Variants in PRTFDC1 observed in about 807,000 individuals in gnomAD.
PRTFDC1 encodes the protein phosphoribosyltransferase domain-containing protein 1.
PRTFDC1 carries 38 observed loss-of-function variants against 34.6 expected under a neutral mutation model. That is an observed-to-expected ratio of 1.10 (90% CI 0.85 to 1.44). The LOEUF (loss-of-function observed/expected upper bound fraction) is 1.44, where lower values mean the gene tolerates loss of function less well. Among genes scored for constraint, PRTFDC1 ranks in the 40% most tolerant of loss-of-function variants. PRTFDC1 has a pLI of 0.00. For synonymous variants in PRTFDC1, 93 were observed against 98.1 expected (o/e 0.95, Z 0.31); for missense variants, 270 against 283.0 (o/e 0.95, Z 0.33).
intron 3 of PRTFDC1, among the ~76,000 whole-genome samples, chr10:24,927,596 T>G (rs1341876747): frequency 6.6e-6 from 1 of 151,206 alleles, no homozygotes; most frequent in East Asian, 1.9e-4. Context: ...TTTTTTTTTT[T>G]TTTTGAGACA....
chr10:24,852,872 G>A (rs1847513850), intron 7 of PRTFDC1, among the ~76,000 whole-genome samples: 1 of 152,142 alleles, frequency 6.6e-6, no homozygotes, highest in Non-Finnish European at 1.5e-5. Context: ...GAAAACGACT[G>A]GTTCATGCTC....
At chr10:24,871,833 G>T (rs542512375) in intron 4 of PRTFDC1, among the ~76,000 whole-genome samples, 165 bp downstream of exon 4, 1 of 152,250 alleles carries the variant, frequency 6.6e-6, no homozygotes, top group East Asian at 1.9e-4. Flanking sequence ...ATTCTAAAAA[G>T]AATGTTTTAG....
At chr10:24,896,811 T>C (rs187838759) in intron 3 of PRTFDC1, among the ~76,000 whole-genome samples, 104 of 152,336 alleles carry the variant, frequency 6.8e-4, no homozygotes, top group Non-Finnish European at 1.2e-3. Flanking sequence ...TGTGTACCTT[T>C]CGCCTGTAAT....
chr10:24,876,461 C>A (rs61854267), intron 3 of PRTFDC1, among the ~76,000 whole-genome samples: 5 of 151,686 alleles, frequency 3.3e-5, no homozygotes, highest in African/African-American at 1.2e-4. Flanking sequence ...TTTGGGAGGC[C>A]GAGGCAGGCG....
chr10:24,928,891 T>A (rs1364758994), intron 3 of PRTFDC1, among the ~76,000 whole-genome samples: 2 of 151,296 alleles, frequency 1.3e-5, no homozygotes, highest in Non-Finnish European at 2.9e-5. Flanking sequence ...TACAAAAAAA[T>A]TAGCCGGGCG....
chr10:24,926,641 G>A (rs948874136), intron 3 of PRTFDC1, among the ~76,000 whole-genome samples: 4 of 152,310 alleles, frequency 2.6e-5, no homozygotes, highest in African/African-American at 9.6e-5. Context: ...GAGCCACTGC[G>A]TCCGGCCATT....
chr10:24,858,367 T>C lies in PRTFDC1; in HGVS notation c.423+25A>G, dbSNP rs1847618010. On this transcript the variant is annotated intron_variant, in intron 5 of 8. Coordinates refer to ENST00000320152, the MANE Select transcript of PRTFDC1 (RefSeq NM_020200.7). ...CCATTAGATTCTTTCAACCTCCAAG[T>C]ATGGAAAAGGAAATGCCAGCTTACC... The C allele has an allele frequency of 1.9e-6, 3 of 1,608,504 alleles. No homozygotes were observed. In the East Asian group the frequency reaches 6.7e-5, roughly 36 times the overall value.
At chr10:24,862,622 C>T (rs1323338467) in intron 4 of PRTFDC1, among the ~76,000 whole-genome samples, 1 of 151,848 alleles carries the variant, frequency 6.6e-6, no homozygotes, top group African/African-American at 2.4e-5. Flanking sequence ...TGATCTGCCC[C>T]TCTTGGCCTC....
intron 4 of PRTFDC1, among the ~76,000 whole-genome samples, chr10:24,868,360 T>C (rs568295707): frequency 5.9e-5 from 9 of 152,322 alleles, no homozygotes; most frequent in Admixed American, 2.6e-4. Context: ...GAAAGACCTA[T>C]GGGGCTCTTC....
chr10:24,866,973 T>A (rs1847790834), intron 4 of PRTFDC1, among the ~76,000 whole-genome samples: 1 of 135,940 alleles, frequency 7.4e-6, no homozygotes, highest in East Asian at 2.2e-4. Context: ...AAGTAAAAAA[T>A]GTTTTATTTA....
At chr10:24,867,362 G>A (rs987862766) in intron 4 of PRTFDC1, among the ~76,000 whole-genome samples, 5 of 152,040 alleles carry the variant, frequency 3.3e-5, no homozygotes, top group East Asian at 3.9e-4. Flanking sequence ...CGCCTACCCC[G>A]CCTCCAAACT....
chr10:24,929,699 A>C (rs1848941644), intron 3 of PRTFDC1, among the ~76,000 whole-genome samples: 1 of 152,220 alleles, frequency 6.6e-6, no homozygotes, highest in African/African-American at 2.4e-5. Context: ...TTGCATATAA[A>C]TTAATGAGCT....
chr10:24,873,592 A>G (rs1055948376), intron 3 of PRTFDC1, among the ~76,000 whole-genome samples: 10 of 152,154 alleles, frequency 6.6e-5, no homozygotes, highest in African/African-American at 2.4e-4. Context: ...GGGGGAGTCC[A>G]TTCCACATGG....
At chr10:24,869,940 T>A (rs1847846264) in intron 4 of PRTFDC1, among the ~76,000 whole-genome samples, 1 of 152,222 alleles carries the variant, frequency 6.6e-6, no homozygotes, top group African/African-American at 2.4e-5. Context: ...CATCCACTTG[T>A]TCAGTCACCA....
At chr10:24,917,275 A>G (rs1848709057) in intron 3 of PRTFDC1, among the ~76,000 whole-genome samples, 1 of 152,206 alleles carries the variant, frequency 6.6e-6, no homozygotes, top group African/African-American at 2.4e-5. Context: ...GAGGCTGGGA[A>G]AGCAAGCCGC....
intron 4 of PRTFDC1, among the ~76,000 whole-genome samples, chr10:24,862,383 CT>C (rs11331105): frequency 0.23 from 34,238 of 151,096 alleles, 4,505 homozygotes; most frequent in African/African-American, 0.36. Flanking sequence ...TTACATTTCT[CT>C]TTTTTTTTGT....
rs921416330 is a variant in PRTFDC1, at chr10:24,932,114, G to T, written c.339+5070C>A. Among the ~76,000 whole-genome samples the T allele has an allele frequency of 4.6e-5, 7 of 151,916 alleles. No individual in the cohort carries two copies. In the East Asian group the frequency reaches 1.2e-3, roughly 25 times the overall value. ...CAACATCTCTAGAAAAAGCACTGAT[G>T]ATATTCATTCATAATTTTTTAAGAA... On this transcript the variant is annotated intron_variant, in intron 3 of 8. Coordinates refer to ENST00000320152, the MANE Select transcript of PRTFDC1 (RefSeq NM_020200.7).
rs1166599678 is a variant in PRTFDC1 at position 24,848,695 on chromosome 10, A to G, written c.*1149T>C. On this transcript the variant is annotated 3_prime_UTR_variant, in exon 9 of 9. Transcript: ENST00000320152. ...AACAATACGCCACATACGGTTCAGA[A>G]CCAAACAAAAGCTGCTTAGTTATTT... is the stretch of plus-strand genomic sequence containing the variant. The G allele has an allele frequency of 6.6e-6, 1 of 152,210 alleles. No homozygotes were observed. Among genetic ancestry groups the G allele is most frequent in the Non-Finnish European group, 1.5e-5 (1 of 68,040 alleles). The allele number at this position is 152,210 out of a possible 1,614,324, so 9.4% of individuals were successfully genotyped here. A position where few individuals can be genotyped will look rare whatever the true frequency, so the allele number is the denominator to read the frequency against.
At chr10:24,890,260 T>A (rs941222030) in intron 3 of PRTFDC1, among the ~76,000 whole-genome samples, 1 of 152,164 alleles carries the variant, frequency 6.6e-6, no homozygotes, top group Non-Finnish European at 1.5e-5. Context: ...TTGAGTACCA[T>A]AGTCTAGGCT....
Sources: allele counts gnomAD v4.1 joint callset (sites outside exome capture counted in the v4.1 genomes callset), GRCh38; gene constraint gnomAD v4.1.1; transcripts MANE v1.5; gene names NCBI Gene and HGNC (gene_info 2026-07-23, HGNC 2026-07-21).